ANKS1B: variants seen among roughly 807,000 people sequenced by gnomAD.
The protein encoded by ANKS1B is ankyrin repeat and sterile alpha motif domain-containing protein 1B.
A neutral mutation model predicts 148.3 loss-of-function variants in ANKS1B; 36 were observed. That is an observed-to-expected ratio of 0.24 (90% CI 0.19 to 0.32). The LOEUF (loss-of-function observed/expected upper bound fraction) is 0.32. Ranked by LOEUF, ANKS1B falls within the 10% of genes least tolerant of loss-of-function variation. The pLI is 1.00. For missense variants in ANKS1B, 1,157 were observed against 1,542.6 expected, an observed-to-expected ratio of 0.75 and a Z score of 4.19; for synonymous variants, 542 against 560.8, an observed-to-expected ratio of 0.97 and a Z score of 0.47.
intron 8 of ANKS1B, among the ~76,000 whole-genome samples, chr12:99,694,098 T>C (rs370063253): frequency 9.1e-4 from 137 of 150,298 alleles, no homozygotes; most frequent in African/African-American, 3.1e-3. Context: ...ACATTTTTAT[T>C]CAAAGTTGTG....
chr12:99,028,059 A>C (rs2099949805), intron 17 of ANKS1B, among the ~76,000 whole-genome samples: 3 of 152,250 alleles, frequency 2.0e-5, no homozygotes, highest in Non-Finnish European at 4.4e-5. Context: ...ATGTTTATAC[A>C]AAAAGTTATT....
At chr12:99,019,832 A>C (rs2099944718) in intron 17 of ANKS1B, among the ~76,000 whole-genome samples, 1 of 152,216 alleles carries the variant, frequency 6.6e-6, no homozygotes, top group South Asian at 2.1e-4. Context: ...GTTGTACTTG[A>C]GAGATTTTGC....
At chr12:99,123,042 A>C (rs1324764690) in intron 15 of ANKS1B, among the ~76,000 whole-genome samples, 3 of 148,496 alleles carry the variant, frequency 2.0e-5, no homozygotes, top group Non-Finnish European at 4.4e-5. Context: ...ACAAAACAAC[A>C]ACAACAAAAA....
At chr12:99,220,738 C>A (rs557446302) in intron 14 of ANKS1B, among the ~76,000 whole-genome samples, 1 of 151,972 alleles carries the variant, frequency 6.6e-6, no homozygotes, top group South Asian at 2.1e-4. Flanking sequence ...TGAGCCACTG[C>A]GCCCGGCCTA....
intron 10 of ANKS1B, among the ~76,000 whole-genome samples, chr12:99,462,255 GGACT>G (rs2095990727): frequency 6.6e-6 from 1 of 152,172 alleles, no homozygotes; most frequent in Non-Finnish European, 1.5e-5. Context: ...TGAAGAGAAT[GGACT>G]GACCCAAGGC....
Position 99,736,964 on chromosome 12 carries a change from G to A in ANKS1B, c.1128+35958C>T, listed in dbSNP as rs1601017697. Among the ~76,000 whole-genome samples, 5 of 151,880 alleles carry A rather than the reference G, an allele frequency of 3.3e-5. No individual in the cohort carries two copies. The South Asian group carries it at 1.0e-3, about 32-fold the overall frequency. On this transcript the variant is annotated intron_variant, in intron 8 of 26. Coordinates refer to ENST00000683438, the MANE Select transcript of ANKS1B (RefSeq NM_001352186.2). ...AAATGTCAACATCACTAATCATCAG[G>A]GAAATGTATATTAAAACCACAATGA...
At chr12:99,772,582 G>C (rs1455311816) in intron 8 of ANKS1B, 1 of 163,904 alleles carries the variant, frequency 6.1e-6, no homozygotes, top group Non-Finnish European at 1.3e-5. Context: ...GGGGAAGACA[G>C]TCGAAAGGAA....
chr12:98,880,130 A>T (rs115414925), intron 17 of ANKS1B, among the ~76,000 whole-genome samples: 4 of 152,188 alleles, frequency 2.6e-5, no homozygotes, highest in African/African-American at 9.7e-5. Context: ...TACAAAATCA[A>T]TCCTGAAAGT....
At chr12:98,746,883 C>T (rs760802511) in intron 26 of ANKS1B, among the ~76,000 whole-genome samples, 8 of 152,196 alleles carry the variant, frequency 5.3e-5, no homozygotes, top group Non-Finnish European at 1.2e-4. Flanking sequence ...GAATGAAACA[C>T]AGCCTCATCT....
intron 17 of ANKS1B, among the ~76,000 whole-genome samples, chr12:98,897,937 T>C (rs2099767105): frequency 6.6e-6 from 1 of 152,128 alleles, no homozygotes; most frequent in Non-Finnish European, 1.5e-5. Flanking sequence ...TTGAAGCCAT[T>C]ATCCTAAGTG....
At position 99,760,519 on chromosome 12, in the gene ANKS1B, A is replaced by AT. The variant is rs750808056; in HGVS notation, c.1128+12402dup. Among the ~76,000 whole-genome samples the AT allele has an allele frequency of 7.2e-5, 11 of 152,062 alleles. No homozygotes were observed. In the East Asian group the frequency reaches 1.9e-3, roughly 27 times the overall value. ...TGAAATAAACTAAAACAGACGTAAC[A>AT]TACCAAAATCTCTGAGATGCAGCAG... On this transcript the variant is annotated intron_variant, in intron 8 of 26. Transcript: ENST00000683438.
intron 22 of ANKS1B, among the ~76,000 whole-genome samples, chr12:98,792,270 G>A (rs1276881792): frequency 6.6e-6 from 1 of 152,046 alleles, no homozygotes; most frequent in Non-Finnish European, 1.5e-5. Flanking sequence ...CCTCATCTTA[G>A]TTGAAAACAG....
chr12:99,013,193 A>G (rs1235086859), intron 17 of ANKS1B, among the ~76,000 whole-genome samples: 1 of 152,226 alleles, frequency 6.6e-6, no homozygotes, highest in Admixed American at 6.5e-5. Flanking sequence ...GACACATTCC[A>G]TTAGAGGATT....
chr12:99,974,707 G>A (rs1212876252), intron 1 of ANKS1B, among the ~76,000 whole-genome samples: 2 of 151,908 alleles, frequency 1.3e-5, no homozygotes, highest in African/African-American at 4.8e-5. Flanking sequence ...CAAGGCAGGA[G>A]GATCACTTGA....
chr12:99,403,057 T>C (rs1375360775), intron 11 of ANKS1B, among the ~76,000 whole-genome samples: 2 of 145,272 alleles, frequency 1.4e-5, no homozygotes, highest in East Asian at 3.8e-4. Flanking sequence ...TGGTTTGAAT[T>C]ACTCTAATGA....
At chr12:98,809,353 C>A (rs1002312002) in intron 19 of ANKS1B, among the ~76,000 whole-genome samples, 3 of 152,206 alleles carry the variant, frequency 2.0e-5, no homozygotes, top group African/African-American at 7.2e-5. Context: ...TGTACTAACT[C>A]CATGCGTTAG....
At chr12:99,360,841 T>G (rs952095348) in intron 12 of ANKS1B, among the ~76,000 whole-genome samples, 2 of 151,998 alleles carry the variant, frequency 1.3e-5, no homozygotes, top group Non-Finnish European at 2.9e-5. Flanking sequence ...TTCTGTTAAG[T>G]GAAACACGCC....
intron 10 of ANKS1B, among the ~76,000 whole-genome samples, chr12:99,473,067 C>G (rs926779414): frequency 1.9e-4 from 29 of 152,024 alleles, no homozygotes; most frequent in African/African-American, 6.7e-4. Flanking sequence ...TGTCACAAAC[C>G]TATTTCCATG....
chr12:98,757,160 A>G (rs2098270001), intron 25 of ANKS1B, among the ~76,000 whole-genome samples: 1 of 152,218 alleles, frequency 6.6e-6, no homozygotes. Context: ...CAGCCAGGCC[A>G]GCCCAGGCTC....
Sources: gnomAD v4.1 joint callset for allele counts (sites outside exome capture counted in the v4.1 genomes callset) on GRCh38, gnomAD v4.1.1 for gene constraint, MANE v1.5 for transcripts, NCBI Gene and HGNC (gene_info 2026-07-23, HGNC 2026-07-21) for gene names.